Variants in DMTF1 observed in about 807,000 individuals in gnomAD.
DMTF1 encodes cyclin-D-binding Myb-like transcription factor 1.
A neutral mutation model predicts 91.1 loss-of-function variants in DMTF1; 39 were observed. The ratio of observed to expected loss-of-function variants is 0.43; its 90% CI spans 0.33 to 0.56. The LOEUF is 0.56. Ranked by LOEUF, DMTF1 falls within the 20% of genes least tolerant of loss-of-function variation. The pLI, the probability that DMTF1 is intolerant of heterozygous loss-of-function variation, is 0.05. For synonymous variants in DMTF1, 338 were observed against 309.5 expected (o/e 1.09, Z -0.97); for missense variants, 750 against 914.5 (o/e 0.82, Z 2.32).
intron 13 of DMTF1, 47 bp from the exon 14 acceptor site, chr7:87,190,898 T>C: frequency 6.7e-7 from 1 of 1,497,274 alleles, no homozygotes; most frequent in South Asian, 1.2e-5. Flanking sequence ...TAACAAAACA[T>C]TTATTGTAAA....
At position 87,184,462 on chromosome 7, in the gene DMTF1, C is replaced by G; in HGVS notation, c.886C>G (p.Pro296Ala). ...GGTTCATGAGTTGACAAGCACTGAG[C>G]CAGGTGACATAGTCACACAGGGTGT... The part of the protein sequence containing the change: ...EVVHELTSTE[P>A]GDIVTQGVSW... The change falls in exon 11 of 18, where the codon CCA becomes GCA. Residue 296 changes from proline (P) to alanine (A), a missense_variant. This residue lies in a region of DMTF1 where 190 missense variants were observed against 343.8 expected (regional missense o/e 0.55). Transcript: ENST00000331242. 6.2e-7 allele frequency: 1 copy of G among 1,613,976 alleles called. No homozygotes were observed. The highest frequency in any genetic ancestry group is 1.1e-5 in the South Asian group (1 of 91,082).
intron 13 of DMTF1, among the ~76,000 whole-genome samples, chr7:87,190,244 A>G (rs988175868): frequency 1.3e-5 from 2 of 151,944 alleles, no homozygotes; most frequent in African/African-American, 4.8e-5. Context: ...CTCTCTTAAC[A>G]TTTATTTGTG....
Position 87,155,170 on chromosome 7 carries a change from G to A in DMTF1, c.-132+2615G>A, listed in dbSNP as rs551755647. ...TAAAATATTGAGGGAGCTTAGAAGT[G>A]TTTTTGAAAGTATTGACGTCTTGCA... On this transcript the variant is annotated intron_variant, in intron 1 of 17. Transcript: ENST00000331242. 1.8e-4 allele frequency among the ~76,000 whole-genome samples: 27 copies of A among 152,308 alleles called. 1 individual carries two copies. The East Asian group carries it at 4.0e-3, about 23-fold the overall frequency.
intron 5 of DMTF1, among the ~76,000 whole-genome samples, chr7:87,172,817 A>G (rs992624449): frequency 6.6e-6 from 1 of 152,232 alleles, no homozygotes; most frequent in Non-Finnish European, 1.5e-5. Context: ...TTTTTCCCCT[A>G]CAGGGTTTGT....
chr7:87,183,618 AT>A (rs1326555627), intron 10 of DMTF1, among the ~76,000 whole-genome samples: 1 of 152,232 alleles, frequency 6.6e-6, no homozygotes, highest in Non-Finnish European at 1.5e-5. Flanking sequence ...GATGAATGGA[AT>A]CCCAAAGCAA....
intron 4 of DMTF1, 122 bp from the exon 5 acceptor site, chr7:87,170,873 G>A: frequency 1.5e-6 from 1 of 668,804 alleles, no homozygotes; most frequent in South Asian, 1.6e-5. Context: ...TGTATGTGAA[G>A]ATGTATTAAC....
intron 1 of DMTF1, among the ~76,000 whole-genome samples, chr7:87,154,927 T>A (rs1790284977): frequency 1.3e-5 from 2 of 152,202 alleles, no homozygotes. Flanking sequence ...AAATCTTACC[T>A]TTCTATTAGC....
At chr7:87,189,993 AGT>A (rs1799379512) in intron 13 of DMTF1, among the ~76,000 whole-genome samples, 1 of 152,124 alleles carries the variant, frequency 6.6e-6, no homozygotes, top group Admixed American at 6.6e-5. Flanking sequence ...ATAGCTGAGA[AGT>A]GTTGTAGTCA....
intron 12 of DMTF1, chr7:87,186,255 T>G (rs1194357747): frequency 8.1e-6 from 3 of 371,320 alleles, no homozygotes; most frequent in Non-Finnish European, 1.5e-5. Context: ...ACATAACGAT[T>G]TAATTTTTAT....
At chr7:87,194,267 GCAGT>G (rs1225935710) in intron 16 of DMTF1, 165 bp downstream of exon 16, 35 of 706,622 alleles carry the variant, frequency 5.0e-5, no homozygotes, top group Non-Finnish European at 6.9e-5. Context: ...TGATCCTGTG[GCAGT>G]CAGGAAGAAT....
Position 87,195,391 on chromosome 7 carries a change from C to T in DMTF1, c.*251C>T. On this transcript the variant is annotated 3_prime_UTR_variant, in exon 18 of 18. Coordinates refer to ENST00000331242, the MANE Select transcript of DMTF1 (RefSeq NM_001142327.2). Reference sequence around the variant, plus strand: ...AAGCATAAATCCCTGTTTAGTGTTACATGGGAATAAGGAATTTCATTCACT... The same window carrying T: ...AAGCATAAATCCCTGTTTAGTGTTATATGGGAATAAGGAATTTCATTCACT... 1 of 335,674 alleles carries T rather than the reference C, an allele frequency of 3.0e-6. No homozygotes were observed. Among genetic ancestry groups the T allele is most frequent in the Non-Finnish European group, 5.5e-6 (1 of 183,172 alleles). The allele number at this position is 335,674 out of a possible 1,614,324, so 20.8% of individuals were successfully genotyped here. A position where few individuals can be genotyped will look rare whatever the true frequency, so the allele number is the denominator to read the frequency against.
chr7:87,160,130 T>A (rs1242440303), intron 1 of DMTF1, among the ~76,000 whole-genome samples: 1 of 152,180 alleles, frequency 6.6e-6, no homozygotes, highest in East Asian at 1.9e-4. Context: ...ACAATTTGAT[T>A]TATTTTGATT....
chr7:87,192,087 C>T (rs1032896406), intron 14 of DMTF1, among the ~76,000 whole-genome samples: 1 of 151,978 alleles, frequency 6.6e-6, no homozygotes, highest in Non-Finnish European at 1.5e-5. Flanking sequence ...TTTTTAAGCC[C>T]ATTCCCCTGG....
intron 16 of DMTF1, chr7:87,194,437 T>G: frequency 2.1e-6 from 1 of 487,140 alleles, no homozygotes. Context: ...TCCTACACTG[T>G]AACAGCATTG....
intron 5 of DMTF1, among the ~76,000 whole-genome samples, chr7:87,173,056 T>A (rs1435183106): frequency 2.6e-5 from 4 of 152,220 alleles, no homozygotes; most frequent in African/African-American, 9.6e-5. Flanking sequence ...GATGACATTA[T>A]TGATGATTTA....
At chr7:87,174,966 T>C (rs1446437836) in intron 7 of DMTF1, among the ~76,000 whole-genome samples, 1 of 152,108 alleles carries the variant, frequency 6.6e-6, no homozygotes, top group East Asian at 1.9e-4. Flanking sequence ...CTATAGAGTT[T>C]AATTTATTTT....
chr7:87,195,273 A>G lies in DMTF1; in HGVS notation c.*133A>G, dbSNP rs555702904. The stretch of plus-strand genomic sequence containing the variant: ...TAGCCACAGTCCTTAAGCCACACAC[A>G]TTGTTGCTGCTATGACTTTTTACCT... On this transcript the variant is annotated 3_prime_UTR_variant, in exon 18 of 18. Transcript: ENST00000331242. 1,008 of 623,014 alleles carry G rather than the reference A, an allele frequency of 1.6e-3. 1 individual carries two copies. Among genetic ancestry groups the G allele is most frequent in the Non-Finnish European group, 2.4e-3 (835 of 355,036 alleles). The allele number at this position is 623,014 out of a possible 1,614,324, so 38.6% of individuals were successfully genotyped here.
chr7:87,194,601 C>A, intron 16 of DMTF1, 83 bp from the exon 17 acceptor site: 1 of 984,528 alleles, frequency 1.0e-6, no homozygotes, highest in South Asian at 1.9e-5. Context: ...ATGTTTAAGT[C>A]TAACCTATAC....
chr7:87,187,283 C>T (rs1367421553), intron 12 of DMTF1: 2 of 152,276 alleles, frequency 1.3e-5, no homozygotes, highest in African/African-American at 4.8e-5. Flanking sequence ...CCTATAATCC[C>T]AGTACTGTGG....
Sources: allele counts gnomAD v4.1 joint callset (sites outside exome capture counted in the v4.1 genomes callset), GRCh38; gene constraint gnomAD v4.1.1; regional missense constraint gnomAD v4.1.1; transcripts MANE v1.5; gene names NCBI Gene and HGNC (gene_info 2026-07-23, HGNC 2026-07-21).